SLC25A28: variants seen among roughly 807,000 people sequenced by gnomAD.
SLC25A28 encodes the protein solute carrier family 25 member 28, also known as mitoferrin-2.
In SLC25A28, 10 loss-of-function variants were observed where a neutral mutation model predicts 31.9. The ratio of observed to expected loss-of-function variants is 0.31; its 90% CI spans 0.19 to 0.53. The LOEUF is 0.53. Ranked by LOEUF, SLC25A28 falls within the 20% of genes least tolerant of loss-of-function variation. The pLI is 0.95. For missense variants in SLC25A28, 256 were observed against 490.3 expected (o/e 0.52, Z 4.51); for synonymous variants, 208 against 203.6 (o/e 1.02, Z -0.19).
At chr10:99,620,716 T>A, upstream of SLC25A28, 1 of 985,708 alleles carries the variant, frequency 1.0e-6, no homozygotes, top group Non-Finnish European at 1.2e-6. Flanking sequence ...AACTTAAGGC[T>A]GAACTTTGAT....
chr10:99,643,575 CTCTGA>C, the SLC25A28 span, among the ~76,000 whole-genome samples: 250 of 152,274 alleles, frequency 1.6e-3, 1 homozygote, highest in Non-Finnish European at 3.1e-3. Flanking sequence ...TTCAGTTCTG[CTCTGA>C]TCTTAGTTAT....
At chr10:99,658,438 C>T in the SLC25A28 span, among the ~76,000 whole-genome samples, 1 of 152,202 alleles carries the variant, frequency 6.6e-6, no homozygotes, top group African/African-American at 2.4e-5. Flanking sequence ...CAAGGATATT[C>T]TGTCTAGTGG....
the SLC25A28 span, among the ~76,000 whole-genome samples, chr10:99,652,667 C>T: frequency 3.3e-5 from 5 of 152,174 alleles, no homozygotes; most frequent in East Asian, 1.9e-4. Flanking sequence ...GAAGGGGTTA[C>T]GTTCCCTTCT....
the SLC25A28 span, among the ~76,000 whole-genome samples, chr10:99,626,816 T>C: frequency 6.6e-6 from 1 of 152,006 alleles, no homozygotes; most frequent in Non-Finnish European, 1.5e-5. Flanking sequence ...TCTCATTTAT[T>C]GAGGAAAATA....
chr10:99,643,036 T>A, the SLC25A28 span, among the ~76,000 whole-genome samples: 127,412 of 151,736 alleles, frequency 0.84, 53,739 homozygotes, highest in Middle Eastern at 0.92. Flanking sequence ...TCTTTTTTTG[T>A]TGTGTCTCTG....
chr10:99,620,745 T>A, upstream of SLC25A28: 1 of 985,508 alleles, frequency 1.0e-6, no homozygotes, highest in Non-Finnish European at 1.2e-6. Flanking sequence ...CCACTCTTGA[T>A]ACTTTGACCG....
the SLC25A28 span, among the ~76,000 whole-genome samples, chr10:99,651,689 C>T: frequency 6.7e-6 from 1 of 148,798 alleles, no homozygotes; most frequent in Non-Finnish European, 1.5e-5. Context: ...CTCCCGGGCT[C>T]ACATGATCCT....
In SLC25A28 at chr10:99,613,490, C is replaced by A; in HGVS notation, c.520+206G>T. 8 of 1,435,892 alleles carry A rather than the reference C, an allele frequency of 5.6e-6. No homozygotes were observed. Among genetic ancestry groups the A allele is most frequent in the Non-Finnish European group, 7.3e-6 (8 of 1,100,056 alleles). 88.9% of individuals were successfully genotyped at this position (1,435,892 alleles called of 1,614,324 possible). The stretch of plus-strand genomic sequence containing the variant: ...GGTAGGTAAGGGAGGATACTGTAAC[C>A]CTTTGTTGAGGTGCCCCAAAGGAAA... On this transcript the variant is annotated intron_variant, in intron 2 of 3. Transcript: ENST00000370495. This position sits in a 1 kb window ranked among gnomAD's most constrained non-coding sequence, Gnocchi z 4.9.
chr10:99,620,863 G>C, upstream of SLC25A28: 1 of 985,490 alleles, frequency 1.0e-6, no homozygotes, highest in Non-Finnish European at 1.2e-6. Flanking sequence ...CTGCAGAGCT[G>C]CGGTCCCTGT....
At position 99,620,325 on chromosome 10, in the gene SLC25A28, T is replaced by G; in HGVS notation, c.11A>C (p.Glu4Ala). 1.7e-6 allele frequency: 1 copy of G among 591,990 alleles called. No individual in the cohort carries two copies. The highest frequency in any genetic ancestry group is 1.9e-6 in the Non-Finnish European group (1 of 526,110). 36.7% of individuals were successfully genotyped at this position (591,990 alleles called of 1,614,324 possible). Reference protein sequence around the residue: MELEGRGAGGVAGG... With the variant: MELAGRGAGGVAGG... ...CGCCACACCGCCAGCACCCCGCCCC[T>G]CCAACTCCATCCACCCGGGCCAGCT... The change falls in exon 1 of 4, where the codon GAG (glutamate) becomes GCG (alanine). Residue 4 changes from glutamate (E) to alanine (A), a missense_variant. Coordinates refer to ENST00000370495, the MANE Select transcript of SLC25A28 (RefSeq NM_031212.4).
At chr10:99,638,184 A>G in the SLC25A28 span, among the ~76,000 whole-genome samples, 1 of 152,238 alleles carries the variant, frequency 6.6e-6, no homozygotes, top group South Asian at 2.1e-4. Flanking sequence ...AAACAAAAAC[A>G]TAAAGTGGGG....
At chr10:99,640,380 T>C in the SLC25A28 span, among the ~76,000 whole-genome samples, 1 of 152,210 alleles carries the variant, frequency 6.6e-6, no homozygotes, top group Non-Finnish European at 1.5e-5. Flanking sequence ...CATGTGGGCA[T>C]CTCCAGAGAG....
upstream of SLC25A28, among the ~76,000 whole-genome samples, chr10:99,622,847 T>G (rs1019543730): frequency 6.6e-6 from 1 of 152,124 alleles, no homozygotes; most frequent in Admixed American, 6.5e-5. Flanking sequence ...GAAATTTCCA[T>G]GGGAACATTC....
chr10:99,617,747 T>C (rs920862579), intron 1 of SLC25A28: 1 of 985,358 alleles, frequency 1.0e-6, no homozygotes, highest in Non-Finnish European at 1.2e-6. Context: ...TGTTGACAAC[T>C]CCTGAGCATT....
At chr10:99,646,651 G>A in the SLC25A28 span, among the ~76,000 whole-genome samples, 7 of 152,210 alleles carry the variant, frequency 4.6e-5, no homozygotes, top group Admixed American at 1.3e-4. Context: ...GCTGGGAGCT[G>A]TAGACTAGAG....
chr10:99,649,624 C>A, the SLC25A28 span, among the ~76,000 whole-genome samples: 1 of 152,098 alleles, frequency 6.6e-6, no homozygotes, highest in African/African-American at 2.4e-5. Context: ...ATTACTGATT[C>A]AATCTCGCTA....
At chr10:99,643,304 T>C in the SLC25A28 span, among the ~76,000 whole-genome samples, 1 of 152,230 alleles carries the variant, frequency 6.6e-6, no homozygotes, top group Admixed American at 6.5e-5. Context: ...GGAGGCTATA[T>C]GTGTCCAGGA....
chr10:99,619,033 C>G, intron 1 of SLC25A28: 1 of 985,400 alleles, frequency 1.0e-6, no homozygotes, highest in Non-Finnish European at 1.2e-6. Flanking sequence ...TCAATTCAGT[C>G]CTCACCTTTA....
At chr10:99,623,292 CAA>C (rs1397695560), upstream of SLC25A28, among the ~76,000 whole-genome samples, 1 of 152,166 alleles carries the variant, frequency 6.6e-6, no homozygotes, top group Admixed American at 6.5e-5. Flanking sequence ...GAAAGATAAA[CAA>C]GGGGTGAATA....
Sources: gnomAD v4.1 joint callset for allele counts (sites outside exome capture counted in the v4.1 genomes callset) on GRCh38, gnomAD v4.1.1 for gene constraint, Gnocchi (gnomAD v3.1) non-coding constraint, MANE v1.5 for transcripts, NCBI Gene and HGNC (gene_info 2026-07-23, HGNC 2026-07-21) for gene names.